The following PACRG variants were observed in gnomAD, a reference collection of about 807,000 sequenced individuals.
PACRG encodes parkin coregulated gene protein.
A neutral mutation model predicts 29.7 loss-of-function variants in PACRG; 29 were observed. The observed-to-expected ratio is 0.98, with a 90% confidence interval of 0.73 to 1.33. PACRG has a LOEUF of 1.33. Among genes scored for constraint, PACRG ranks in the 40% most tolerant of loss-of-function variants. PACRG has a pLI of 0.00. For missense variants in PACRG, 279 were observed against 316.2 expected (o/e 0.88, Z 0.89); for synonymous variants, 116 against 118.7 (o/e 0.98, Z 0.15).
intron 1 of PACRG, 60 bp from the exon 2 acceptor site, chr6:162,814,087 A>C: frequency 6.7e-7 from 1 of 1,494,592 alleles, no homozygotes; most frequent in Non-Finnish European, 9.0e-7. Context: ...AAGTTCTTTT[A>C]TTATGAATTT....
chr6:162,898,911 G>T (rs1189911602), intron 2 of PACRG, among the ~76,000 whole-genome samples: 2 of 152,210 alleles, frequency 1.3e-5, no homozygotes, highest in African/African-American at 2.4e-5. Flanking sequence ...ATAGAAGTTT[G>T]GGTAATGTCC....
At chr6:162,876,883 T>G (rs1301365952) in intron 2 of PACRG, among the ~76,000 whole-genome samples, 1 of 152,216 alleles carries the variant, frequency 6.6e-6, no homozygotes, top group Non-Finnish European at 1.5e-5. Context: ...AGTTAATTTT[T>G]GTATAAGGTG....
chr6:162,986,307 A>G (rs1458377988), intron 2 of PACRG, among the ~76,000 whole-genome samples: 1 of 152,194 alleles, frequency 6.6e-6, no homozygotes, highest in East Asian at 1.9e-4. Context: ...CTTAACCTCA[A>G]ACTATACTAT....
intron 4 of PACRG, among the ~76,000 whole-genome samples, chr6:163,141,188 G>C (rs1205655): frequency 0.75 from 113,362 of 151,996 alleles, 43,333 homozygotes; most frequent in African/African-American, 0.93. Flanking sequence ...AAAAACAAAA[G>C]CAACTACCTA....
At chr6:163,314,263 G>A (rs555283028) in intron 4 of PACRG, among the ~76,000 whole-genome samples, 5 of 152,326 alleles carry the variant, frequency 3.3e-5, no homozygotes, top group South Asian at 2.1e-4. Context: ...AGCAGCCAGG[G>A]CAGGAGAAGC....
At position 163,072,690 on chromosome 6, in the gene PACRG, A is replaced by G. The variant is rs1812180834; in HGVS notation, c.463+10369A>G. 3.9e-5 allele frequency among the ~76,000 whole-genome samples: 6 copies of G among 152,200 alleles called. 1 individual carries two copies. The South Asian group carries it at 1.2e-3, about 31-fold the overall frequency. On this transcript the variant is annotated intron_variant, in intron 3 of 4. Coordinates refer to ENST00000366888, the MANE Select transcript of PACRG (RefSeq NM_001080379.2). ...ATTATCCTTGTTTGCAGATGATATC[A>G]TCTTATATTTTGAAAAACCTAAAGA...
intron 3 of PACRG, among the ~76,000 whole-genome samples, chr6:163,068,352 T>C (rs929095931): frequency 5.3e-5 from 8 of 152,220 alleles, no homozygotes; most frequent in African/African-American, 1.4e-4. Flanking sequence ...CAGAGTCTTA[T>C]GTTGCTTTGA....
chr6:163,200,931 G>A (rs1033269929), intron 4 of PACRG, among the ~76,000 whole-genome samples: 4 of 152,274 alleles, frequency 2.6e-5, no homozygotes, highest in Middle Eastern at 3.4e-3. Context: ...GCACTGGGCC[G>A]GATCAGGCCC....
chr6:163,202,977 A>G (rs181440920), intron 4 of PACRG, among the ~76,000 whole-genome samples: 56 of 152,248 alleles, frequency 3.7e-4, no homozygotes, highest in Admixed American at 7.2e-4. Context: ...AGGAGCCACA[A>G]AGTCGGAAGG....
intron 4 of PACRG, among the ~76,000 whole-genome samples, chr6:163,139,336 C>A (rs1817062039): frequency 6.6e-6 from 1 of 151,746 alleles, no homozygotes; most frequent in African/African-American, 2.4e-5. Context: ...AAGCCAGGAT[C>A]CTCTCCTAGG....
intron 4 of PACRG, chr6:163,189,621 A>G (rs1216537592): frequency 6.6e-6 from 1 of 152,234 alleles, no homozygotes; most frequent in Non-Finnish European, 1.5e-5. Flanking sequence ...AAACAGCAAC[A>G]TACTCCATTT....
At chr6:163,291,524 C>T (rs1784610717) in intron 4 of PACRG, among the ~76,000 whole-genome samples, 3 of 152,400 alleles carry the variant, frequency 2.0e-5, no homozygotes, top group Admixed American at 1.3e-4. Flanking sequence ...TATGGGCCCG[C>T]CCCGTTTCCT....
At chr6:163,183,041 G>A (rs1434662960) in intron 4 of PACRG, 2 of 152,254 alleles carry the variant, frequency 1.3e-5, no homozygotes, top group African/African-American at 2.4e-5. Flanking sequence ...GGTGATCCAG[G>A]TTGCATGAGC....
chr6:163,139,371 A>G (rs1817063381), intron 4 of PACRG, among the ~76,000 whole-genome samples: 1 of 36,206 alleles, frequency 2.8e-5, no homozygotes. Flanking sequence ...CACATTTGCA[A>G]AGACCCTTAT....
At chr6:163,000,811 T>C (rs1562819483) in intron 2 of PACRG, among the ~76,000 whole-genome samples, 1 of 152,186 alleles carries the variant, frequency 6.6e-6, no homozygotes, top group African/African-American at 2.4e-5. Context: ...CAATGAAAGA[T>C]GCAGTCTCTA....
chr6:162,981,858 G>A (rs927542239), intron 2 of PACRG, among the ~76,000 whole-genome samples: 1 of 149,430 alleles, frequency 6.7e-6, no homozygotes, highest in East Asian at 1.9e-4. Flanking sequence ...AGTAAGATTG[G>A]TACCAATTCT....
In PACRG at chr6:162,875,783, G is replaced by T. The variant is rs1400660967; in HGVS notation, c.291+61502G>T. Among the ~76,000 whole-genome samples the T allele has an allele frequency of 2.0e-4, 30 of 152,190 alleles. 1 individual carries two copies. The highest frequency in any genetic ancestry group is 2.0e-3 in the Admixed American group (30 of 15,280). On this transcript the variant is annotated intron_variant, in intron 2 of 4. Coordinates refer to ENST00000366888, the MANE Select transcript of PACRG (RefSeq NM_001080379.2). The stretch of plus-strand genomic sequence containing the variant: ...ACCTGGCATTCCACTAATGCTCCAA[G>T]TTTTATGTTTAAATAGTCTTCATTA...
intron 2 of PACRG, among the ~76,000 whole-genome samples, chr6:162,879,825 C>T (rs1793680907): frequency 6.6e-6 from 1 of 152,136 alleles, no homozygotes; most frequent in South Asian, 2.1e-4. Flanking sequence ...GGGCAGGGAA[C>T]GTGAGGGAGT....
At chr6:162,963,463 A>G (rs1201622967) in intron 2 of PACRG, among the ~76,000 whole-genome samples, 2 of 151,914 alleles carry the variant, frequency 1.3e-5, no homozygotes, top group East Asian at 3.9e-4. Flanking sequence ...AATAAAACAG[A>G]AGTACCCAGA....
Sources: gnomAD v4.1 joint callset for allele counts (sites outside exome capture counted in the v4.1 genomes callset) on GRCh38, gnomAD v4.1.1 for gene constraint, MANE v1.5 for transcripts, NCBI Gene and HGNC (gene_info 2026-07-23, HGNC 2026-07-21) for gene names.